Variants in PPARGC1A observed in about 807,000 individuals in gnomAD.
PPARGC1A encodes the protein peroxisome proliferator-activated receptor gamma coactivator 1-alpha.
A neutral mutation model predicts 88.7 loss-of-function variants in PPARGC1A; 25 were observed. That is an observed-to-expected ratio of 0.28 (90% CI 0.21 to 0.39). PPARGC1A has a LOEUF of 0.39. PPARGC1A is among the 10% of genes least tolerant of loss of function. The pLI is 1.00. For missense variants in PPARGC1A, 880 were observed against 968.7 expected (o/e 0.91, Z 1.22); for synonymous variants, 363 against 355.6 (o/e 1.02, Z -0.24).
chr4:24,133,530 C>G, the PPARGC1A span, among the ~76,000 whole-genome samples: 1 of 152,310 alleles, frequency 6.6e-6, no homozygotes, highest in African/African-American at 2.4e-5. Flanking sequence ...GTTATCACGT[C>G]TTCGTTGAAG....
the PPARGC1A span, among the ~76,000 whole-genome samples, chr4:23,917,873 C>T: frequency 6.2e-3 from 946 of 152,282 alleles, 8 homozygotes; most frequent in African/African-American, 0.022. Flanking sequence ...AAATCAATAT[C>T]GCCACTCTTT....
chr4:24,345,154 A>C, the PPARGC1A span, among the ~76,000 whole-genome samples: 7 of 152,226 alleles, frequency 4.6e-5, no homozygotes, highest in Admixed American at 2.6e-4. Context: ...TTCGGTGACT[A>C]TAGCCTTATA....
the PPARGC1A span, among the ~76,000 whole-genome samples, chr4:24,057,511 G>T: frequency 5.3e-5 from 8 of 149,862 alleles, no homozygotes; most frequent in Non-Finnish European, 1.0e-4. Flanking sequence ...GGGAAGCAAT[G>T]ACATAAATCA....
chr4:24,082,443 T>C, the PPARGC1A span, among the ~76,000 whole-genome samples: 4 of 152,136 alleles, frequency 2.6e-5, no homozygotes, highest in African/African-American at 9.7e-5. Context: ...TCATTTCTTT[T>C]ATACACTGTA....
chr4:24,340,940 A>T, the PPARGC1A span, among the ~76,000 whole-genome samples: 1 of 152,164 alleles, frequency 6.6e-6, no homozygotes, highest in African/African-American at 2.4e-5. Flanking sequence ...TCTGAAAGTC[A>T]TCTCCAGAGA....
chr4:23,904,709 A>G (rs1187865586), upstream of PPARGC1A, among the ~76,000 whole-genome samples: 2 of 152,212 alleles, frequency 1.3e-5, no homozygotes, highest in African/African-American at 2.4e-5. Flanking sequence ...AGAGCAGGTC[A>G]ATACCAATCA....
the PPARGC1A span, among the ~76,000 whole-genome samples, chr4:24,180,267 T>C: frequency 2.5e-4 from 38 of 152,344 alleles, no homozygotes; most frequent in East Asian, 2.3e-3. Flanking sequence ...TATATTGTTA[T>C]CTACTGAGCA....
chr4:24,460,834 G>C, the PPARGC1A span, among the ~76,000 whole-genome samples: 27 of 152,158 alleles, frequency 1.8e-4, no homozygotes, highest in Non-Finnish European at 7.4e-5. Context: ...TCCACAAAAA[G>C]TTTGGTAATT....
At chr4:24,204,243 C>T in the PPARGC1A span, among the ~76,000 whole-genome samples, 6 of 152,128 alleles carry the variant, frequency 3.9e-5, no homozygotes, top group Admixed American at 3.9e-4. Flanking sequence ...GCTAAGACAG[C>T]AGCAGCAGTA....
the PPARGC1A span, among the ~76,000 whole-genome samples, chr4:24,259,685 T>C: frequency 9.0e-4 from 137 of 152,332 alleles, 1 homozygote; most frequent in Admixed American, 2.7e-3. Flanking sequence ...TTTTATGTGC[T>C]GCTAAATTCT....
the PPARGC1A span, among the ~76,000 whole-genome samples, chr4:24,273,762 C>A: frequency 0.27 from 38,438 of 140,336 alleles, 5,895 homozygotes; most frequent in Non-Finnish European, 0.35. Context: ...CAGAGTTTCA[C>A]TCTTGTTGCC....
chr4:24,411,167 T>C, the PPARGC1A span, among the ~76,000 whole-genome samples: 1 of 152,158 alleles, frequency 6.6e-6, no homozygotes, highest in South Asian at 2.1e-4. Context: ...CAGAAATGAT[T>C]TACTCAAGAG....
chr4:23,800,881 C>T (rs1254898971), intron 12 of PPARGC1A, among the ~76,000 whole-genome samples: 4 of 150,794 alleles, frequency 2.7e-5, no homozygotes, highest in Admixed American at 2.0e-4. Context: ...TAGGATAGTT[C>T]TAGTAATTAA....
At chr4:24,351,278 T>C in the PPARGC1A span, among the ~76,000 whole-genome samples, 18 of 151,178 alleles carry the variant, frequency 1.2e-4, no homozygotes, top group African/African-American at 2.2e-4. Context: ...ACACCTGTAG[T>C]CGTAGCTACT....
At chr4:24,431,102 G>A in the PPARGC1A span, among the ~76,000 whole-genome samples, 1 of 144,774 alleles carries the variant, frequency 6.9e-6, no homozygotes, top group Admixed American at 7.0e-5. Flanking sequence ...TCCAGCCTGG[G>A]AGACAGAGCA....
chr4:23,919,426 G>A, the PPARGC1A span, among the ~76,000 whole-genome samples: 1 of 151,566 alleles, frequency 6.6e-6, no homozygotes, highest in African/African-American at 2.4e-5. Flanking sequence ...GCAACACAAA[G>A]TCTCCAAGTC....
chr4:23,889,346 G>C (rs1343981126), intron 1 of PPARGC1A: 6 of 985,210 alleles, frequency 6.1e-6, no homozygotes, highest in Non-Finnish European at 6.0e-6. Context: ...TTTAAAGGAA[G>C]CAGCATCGTT....
the PPARGC1A span, among the ~76,000 whole-genome samples, chr4:24,073,228 G>A: frequency 2.0e-5 from 3 of 152,036 alleles, no homozygotes; most frequent in East Asian, 5.8e-4. Context: ...ATTTTTGGTA[G>A]AGATGGGCTT....
chr4:24,344,116 T>C, the PPARGC1A span, among the ~76,000 whole-genome samples: 6 of 152,080 alleles, frequency 3.9e-5, no homozygotes, highest in African/African-American at 9.7e-5. Context: ...TATATATATA[T>C]ATATATCACA....
Sources: allele counts gnomAD v4.1 joint callset (sites outside exome capture counted in the v4.1 genomes callset), GRCh38; gene constraint gnomAD v4.1.1; transcripts MANE v1.5; gene names NCBI Gene and HGNC (gene_info 2026-07-23, HGNC 2026-07-21).